CCDC93: variants seen among roughly 807,000 people sequenced by gnomAD.
CCDC93 encodes CCC complex scaffolding subunit CCDC93.
CCDC93 carries 61 observed loss-of-function variants against 108.2 expected under a neutral mutation model. That is an observed-to-expected ratio of 0.56 (90% confidence interval 0.46 to 0.70). CCDC93 has a LOEUF of 0.70. Ranked by LOEUF, CCDC93 falls within the 30% of genes least tolerant of loss-of-function variation. The pLI, the probability that CCDC93 is intolerant of heterozygous loss-of-function variation, is 0.00. For missense variants in CCDC93, 685 were observed against 764.2 expected (o/e 0.90, Z 1.22); for synonymous variants, 276 against 260.4 (o/e 1.06, Z -0.58).
intron 7 of CCDC93, among the ~76,000 whole-genome samples, chr2:117,978,984 G>GACTCCT (rs1403106344): frequency 1.3e-5 from 2 of 152,146 alleles, no homozygotes; most frequent in African/African-American, 4.8e-5. Context: ...CTCCAGCCTG[G>GACTCCT]GTGACAGAGC....
chr2:118,000,075 A>T (rs1680795756), intron 4 of CCDC93: 1 of 152,228 alleles, frequency 6.6e-6, no homozygotes. Context: ...TACAAATTGT[A>T]AGATGTTCTG....
At chr2:117,935,717 G>C (rs550197684) in intron 21 of CCDC93, 138 bp from the exon 22 acceptor site, 5 of 486,974 alleles carry the variant, frequency 1.0e-5, no homozygotes, top group African/African-American at 3.9e-5. Context: ...GTGGAGCCAC[G>C]GGGGCCCCTG....
Position 117,939,057 on chromosome 2 carries a change from T to C in CCDC93, c.1577A>G (p.Asp526Gly), listed in dbSNP as rs1573471535. Residue 526 changes from aspartate (D) to glycine (G), a missense_variant, in exon 20 of 24, where the codon GAT becomes GGT. Coordinates refer to ENST00000376300, the MANE Select transcript of CCDC93 (RefSeq NM_019044.5). ...TTTTTCCAAATAAACCTTTTTATCA[T>C]CCAGGGTATTATATAAAGTGAAGAA... The part of the protein sequence containing the change: ...KQFFTLYNTL[D>G]DKKVYLEKEI... The C allele has an allele frequency of 3.1e-6, 5 of 1,603,448 alleles. No homozygotes were observed. The highest frequency in any genetic ancestry group is 4.3e-6 in the Non-Finnish European group (5 of 1,170,850).
At chr2:117,930,922 T>C (rs1678303382) in intron 23 of CCDC93, 115 bp downstream of exon 23, 1 of 652,400 alleles carries the variant, frequency 1.5e-6, no homozygotes, top group East Asian at 2.6e-5. Flanking sequence ...TCTGTCTTGT[T>C]ATTTCCCTTC....
intron 7 of CCDC93, 81 bp downstream of exon 7, chr2:117,985,888 C>T: frequency 3.7e-6 from 3 of 812,866 alleles, no homozygotes; most frequent in Non-Finnish European, 6.1e-6. Context: ...CGGGTAGAAG[C>T]TAGTCAAGTT....
chr2:117,974,027 CA>C (rs1210270579), intron 10 of CCDC93, 33 bp from the exon 11 acceptor site: 1 of 1,405,676 alleles, frequency 7.1e-7, no homozygotes. Context: ...TTCTCAAGGC[CA>C]AGCCTTGTCT....
chr2:117,944,837 A>C (rs1371422096), intron 17 of CCDC93: 1 of 470,610 alleles, frequency 2.1e-6, no homozygotes, highest in Admixed American at 2.4e-5. Flanking sequence ...AGGAACCCTT[A>C]AAGAAGGCAG....
intron 7 of CCDC93, among the ~76,000 whole-genome samples, chr2:117,982,016 T>A (rs897014562): frequency 6.6e-6 from 1 of 152,176 alleles, no homozygotes; most frequent in Non-Finnish European, 1.5e-5. Flanking sequence ...ATATCTTTTA[T>A]GAGCATGTCA....
chr2:117,942,403 T>C (rs1252197863), intron 18 of CCDC93, among the ~76,000 whole-genome samples: 1 of 152,164 alleles, frequency 6.6e-6, no homozygotes, highest in Non-Finnish European at 1.5e-5. Flanking sequence ...GCCATGCACA[T>C]GGGAGCCTCT....
chr2:117,958,751 T>C (rs934443197), intron 11 of CCDC93, among the ~76,000 whole-genome samples: 3 of 152,184 alleles, frequency 2.0e-5, no homozygotes, highest in African/African-American at 7.2e-5. Flanking sequence ...CAATATCATA[T>C]AGGCAACAGG....
At chr2:117,995,407 C>T (rs764016214) in intron 6 of CCDC93, 39 bp downstream of exon 6, 11 of 1,493,020 alleles carry the variant, frequency 7.4e-6, no homozygotes, top group East Asian at 6.8e-5. Flanking sequence ...TCTGAGGCTA[C>T]GCAGGACTCT....
chr2:117,951,630 A>G (rs979232266), intron 13 of CCDC93: 12 of 1,000,116 alleles, frequency 1.2e-5, no homozygotes, highest in Non-Finnish European at 1.3e-5. Flanking sequence ...AGGTCCTTCC[A>G]TAGTACGGCT....
At chr2:117,949,527 T>C (rs1678983087) in intron 13 of CCDC93, 132 bp from the exon 14 acceptor site, 4 of 701,686 alleles carry the variant, frequency 5.7e-6, no homozygotes, top group Non-Finnish European at 9.5e-6. Context: ...ATGTGTAAAG[T>C]AGGTAATTAC....
intron 5 of CCDC93, 166 bp from the exon 6 acceptor site, chr2:117,995,668 A>G (rs1680624510): frequency 3.3e-6 from 2 of 606,348 alleles, no homozygotes; most frequent in Non-Finnish European, 2.9e-6. Context: ...GGAAAAGGCT[A>G]CAAACCCTGC....
chr2:117,986,189 G>C (rs1180698466), intron 6 of CCDC93, 120 bp from the exon 7 acceptor site: 11 of 532,824 alleles, frequency 2.1e-5, no homozygotes, highest in Admixed American at 2.0e-4. Flanking sequence ...TTTTGAGACA[G>C]AGTCTCGCTC....
chr2:118,003,457 G>T (rs145970629), intron 3 of CCDC93, among the ~76,000 whole-genome samples: 78 of 152,268 alleles, frequency 5.1e-4, no homozygotes, highest in African/African-American at 1.7e-3. Flanking sequence ...AACTAACTAT[G>T]CAGGGGCACG....
intron 7 of CCDC93, among the ~76,000 whole-genome samples, chr2:117,982,988 CT>C (rs1295281410): frequency 1.1e-4 from 17 of 152,160 alleles, no homozygotes; most frequent in Non-Finnish European, 2.1e-4. Context: ...TGCTGAATAA[CT>C]TGAATTAAAG....
chr2:117,937,895 C>T (rs553402675), intron 20 of CCDC93, among the ~76,000 whole-genome samples: 1 of 152,284 alleles, frequency 6.6e-6, no homozygotes, highest in African/African-American at 2.4e-5. Flanking sequence ...AAGGAGCACC[C>T]TCTAGGATGA....
intron 17 of CCDC93, chr2:117,944,668 G>T: frequency 4.3e-6 from 2 of 464,072 alleles, no homozygotes; most frequent in South Asian, 1.6e-5. Flanking sequence ...AGTTACAAAA[G>T]GGGTCAAAGG....
Sources: gnomAD v4.1 joint callset for allele counts (sites outside exome capture counted in the v4.1 genomes callset) on GRCh38, gnomAD v4.1.1 for gene constraint, MANE v1.5 for transcripts, NCBI Gene and HGNC (gene_info 2026-07-23, HGNC 2026-07-21) for gene names.